Variants in EFCAB13 observed in about 807,000 individuals in gnomAD.
The protein encoded by EFCAB13 is EF-hand calcium binding domain 13.
A neutral mutation model predicts 110.2 loss-of-function variants in EFCAB13; 91 were observed. The observed-to-expected ratio is 0.83, with a 90% confidence interval of 0.70 to 0.98. The LOEUF (loss-of-function observed/expected upper bound fraction) is 0.98, where lower values mean the gene tolerates loss of function less well. Ranked by LOEUF, EFCAB13 falls within the 50% of genes least tolerant of loss-of-function variation. EFCAB13 has a pLI of 0.00. For synonymous variants in EFCAB13, 323 were observed against 369.9 expected (o/e 0.87, Z 1.45); for missense variants, 968 against 1,119.4 (o/e 0.86, Z 1.93).
chr17:47,432,432 A>AAATAAATAAAT (rs1905135698), intron 24 of EFCAB13, among the ~76,000 whole-genome samples: 1 of 142,450 alleles, frequency 7.0e-6, no homozygotes, highest in African/African-American at 2.6e-5. Context: ...ATAAATAAAT[A>AAATAAATAAAT]AATAAATAAA....
chr17:47,440,563 T>C lies in EFCAB13; in HGVS notation c.2771T>C (p.Met924Thr), dbSNP rs558904727. ...CTAGAAAGGCAAGCAGTGGTTTACA[T>C]GTTAAAAACAATACAGGATTCGATA... ...PDLERQAVVY[M>T]LKTIQDSIVK... is the part of the protein sequence containing the mutation. The change falls in exon 25 of 25, where the codon ATG (methionine) becomes ACG (threonine). Residue 924 changes from methionine (M) to threonine (T), a missense_variant. Transcript: ENST00000331493. 1.2e-6 allele frequency: 2 copies of C among 1,613,236 alleles called. No homozygotes were observed. The highest frequency in any genetic ancestry group is 8.5e-7 in the Non-Finnish European group (1 of 1,179,650).
chr17:47,344,421 G>A, intron 7 of EFCAB13, 129 bp downstream of exon 7: 1 of 1,161,428 alleles, frequency 8.6e-7, no homozygotes, highest in East Asian at 2.5e-5. Flanking sequence ...TTAGGATTGT[G>A]TAGAGATAAG....
At chr17:47,340,241 A>T (rs1473329772) in intron 5 of EFCAB13, among the ~76,000 whole-genome samples, 19 of 150,824 alleles carry the variant, frequency 1.3e-4, no homozygotes, top group South Asian at 8.4e-4. Flanking sequence ...TTTTTTTTTT[A>T]AAGTCAGTTG....
In EFCAB13 at chr17:47,374,173, A is replaced by G. The variant is rs535467927; in HGVS notation, c.878-299A>G. Reference sequence around the variant, plus strand: ...AGCTTATTAATCTATTATCTTTGTCAATTGGGAAGGAGTGGGGAATGAGAA... The same window carrying G: ...AGCTTATTAATCTATTATCTTTGTCGATTGGGAAGGAGTGGGGAATGAGAA... On this transcript the variant is annotated intron_variant, in intron 11 of 24. Transcript: ENST00000331493. Among the ~76,000 whole-genome samples the G allele has an allele frequency of 9.0e-4, 137 of 152,242 alleles. 1 individual carries two copies. The highest frequency in any genetic ancestry group is 3.2e-3 in the African/African-American group (135 of 41,568).
At chr17:47,397,080 T>C (rs560758152) in intron 17 of EFCAB13, among the ~76,000 whole-genome samples, 12 of 130,052 alleles carry the variant, frequency 9.2e-5, no homozygotes, top group African/African-American at 3.4e-4. Context: ...TGGACTGTAC[T>C]GCTGCCATCT....
chr17:47,424,872 A>ATTTTTTTTTTTTT (rs1459453287), intron 23 of EFCAB13, among the ~76,000 whole-genome samples: 6 of 68,380 alleles, frequency 8.8e-5, no homozygotes, highest in African/African-American at 1.4e-4. Context: ...CCGGTTGACA[A>ATTTTTTTTTTTTT]TCTTTTTTTT....
intron 6 of EFCAB13, among the ~76,000 whole-genome samples, chr17:47,342,698 A>G (rs1383235716): frequency 6.6e-6 from 1 of 152,074 alleles, no homozygotes; most frequent in Non-Finnish European, 1.5e-5. Context: ...GTTATCTTTT[A>G]GATATTTCCC....
chr17:47,397,741 G>A (rs951274023), intron 17 of EFCAB13, among the ~76,000 whole-genome samples: 14 of 150,746 alleles, frequency 9.3e-5, no homozygotes, highest in African/African-American at 3.2e-4. Context: ...CTGCCCGGCC[G>A]CCCCGTCTGA....
chr17:47,440,519 A>G lies in EFCAB13; in HGVS notation c.2727A>G (p.Ile909Met). The change falls in exon 25 of 25, where the codon ATA becomes ATG. Residue 909 changes from isoleucine (I) to methionine (M), a missense_variant. Transcript: ENST00000331493. ...IPKAAGKFYLICTYCPDLERQ... is the reference protein window; with the variant it reads ...IPKAAGKFYLMCTYCPDLERQ... ...AAGCTGCAGGTAAGTTTTATTTAAT[A>G]TGTACTTATTGCCCAGATCTAGAAA... The G allele has an allele frequency of 6.2e-7, 1 of 1,612,900 alleles. No homozygotes were observed. Among genetic ancestry groups the G allele is most frequent in the Non-Finnish European group, 8.5e-7 (1 of 1,179,512 alleles).
At chr17:47,392,724 C>T (rs900420171) in intron 15 of EFCAB13, among the ~76,000 whole-genome samples, 1 of 151,848 alleles carries the variant, frequency 6.6e-6, no homozygotes, top group African/African-American at 2.4e-5. Context: ...TGTCTCACTC[C>T]GTATTCAATA....
chr17:47,380,278 T>C (rs1713773176), intron 14 of EFCAB13, among the ~76,000 whole-genome samples: 1 of 152,012 alleles, frequency 6.6e-6, no homozygotes, highest in Non-Finnish European at 1.5e-5. Context: ...CCCCTCCCTG[T>C]GTCCATGTGT....
intron 4 of EFCAB13, among the ~76,000 whole-genome samples, chr17:47,333,689 T>G (rs1326828505): frequency 6.6e-6 from 1 of 152,232 alleles, no homozygotes; most frequent in Non-Finnish European, 1.5e-5. Context: ...TTGAAGAGAC[T>G]GTTCTTTCCC....
chr17:47,326,915 T>G (rs1013380772), intron 3 of EFCAB13, among the ~76,000 whole-genome samples: 2 of 152,210 alleles, frequency 1.3e-5, no homozygotes, highest in East Asian at 3.8e-4. Flanking sequence ...TTTTAAGTAC[T>G]CTGTCTTCAT....
At chr17:47,403,822 A>T (rs1035975104) in intron 18 of EFCAB13, 56 bp from the exon 19 acceptor site, 11 of 1,484,164 alleles carry the variant, frequency 7.4e-6, no homozygotes, top group Non-Finnish European at 1.0e-5. Context: ...TCCACTAACA[A>T]ATGTCTTGAG....
At chr17:47,354,389 A>G (rs995677559) in intron 9 of EFCAB13, among the ~76,000 whole-genome samples, 2 of 151,922 alleles carry the variant, frequency 1.3e-5, no homozygotes, top group Non-Finnish European at 2.9e-5. Flanking sequence ...TGTTAGATCA[A>G]TTTTTTTTAG....
Position 47,402,217 on chromosome 17 carries a change from T to C in EFCAB13, c.2017+14T>C. The C allele has an allele frequency of 6.2e-7, 1 of 1,606,140 alleles. No individual in the cohort carries two copies. The highest frequency in any genetic ancestry group is 1.1e-5 in the South Asian group (1 of 90,716). On this transcript the variant is annotated intron_variant, in intron 18 of 24. Transcript: ENST00000331493. ...CCAGGTTAGAAGGTAAGTACTGAAT[T>C]ATTTATAACGGTTAGATTTACTTTT...
chr17:47,381,139 C>T (rs2065645410), intron 14 of EFCAB13, among the ~76,000 whole-genome samples: 1 of 151,932 alleles, frequency 6.6e-6, no homozygotes, highest in African/African-American at 2.4e-5. Flanking sequence ...ACATCAGCCT[C>T]CCAAAGTTAA....
At chr17:47,328,625 G>A (rs886236035) in intron 4 of EFCAB13, among the ~76,000 whole-genome samples, 20 of 152,094 alleles carry the variant, frequency 1.3e-4, no homozygotes, top group Non-Finnish European at 2.4e-4. Flanking sequence ...GGTGGGGTAC[G>A]GACCTGGATA....
Position 47,414,899 on chromosome 17 carries a change from C to T in EFCAB13, c.2474C>T (p.Pro825Leu). 6.2e-7 allele frequency: 1 copy of T among 1,605,656 alleles called. No individual in the cohort carries two copies. Among genetic ancestry groups the T allele is most frequent in the Non-Finnish European group, 8.5e-7 (1 of 1,174,064 alleles). Residue 825 changes from proline to leucine, a missense_variant, in exon 23 of 25, where the codon CCA (proline) becomes CTA (leucine). Coordinates refer to ENST00000331493, the MANE Select transcript of EFCAB13 (RefSeq NM_152347.5). Reference sequence around the variant, plus strand: ...TTCTTAATGAAAATGAAAGAAAGTCCACATTTCCAAAAGTCCAAGGGTAAG... The same window carrying T: ...TTCTTAATGAAAATGAAAGAAAGTCTACATTTCCAAAAGTCCAAGGGTAAG... ...KDFLMKMKESPHFQKSKATQI... is the reference protein window; with the variant it reads ...KDFLMKMKESLHFQKSKATQI...
Sources: gnomAD v4.1 joint callset for allele counts (sites outside exome capture counted in the v4.1 genomes callset) on GRCh38, gnomAD v4.1.1 for gene constraint, MANE v1.5 for transcripts, NCBI Gene and HGNC (gene_info 2026-07-23, HGNC 2026-07-21) for gene names.